The following FRMD4B variants were observed in gnomAD, a reference collection of about 807,000 sequenced individuals.
FRMD4B encodes FERM domain-containing protein 4B.
A neutral mutation model predicts 141.5 loss-of-function variants in FRMD4B; 74 were observed. The ratio of observed to expected loss-of-function variants is 0.52; its 90% CI spans 0.43 to 0.63. FRMD4B has a LOEUF of 0.63. FRMD4B is among the 30% of genes least tolerant of loss of function. The pLI is 0.00. For missense variants in FRMD4B, 1,366 were observed against 1,253.4 expected (o/e 1.09, Z -1.36); for synonymous variants, 506 against 467.9 (o/e 1.08, Z -1.05).
At chr3:69,532,586 G>A (rs1005120616) in intron 1 of FRMD4B, among the ~76,000 whole-genome samples, 2 of 152,196 alleles carry the variant, frequency 1.3e-5, no homozygotes. Context: ...TGGCCTTCCT[G>A]GTTGTTGATC....
At chr3:69,385,389 A>G (rs1704224267) in intron 1 of FRMD4B, among the ~76,000 whole-genome samples, 2 of 152,274 alleles carry the variant, frequency 1.3e-5, no homozygotes, top group South Asian at 2.1e-4. Context: ...CTGAAAATCC[A>G]ACGGAAGGAT....
intron 5 of FRMD4B, among the ~76,000 whole-genome samples, chr3:69,260,150 G>A (rs1053457727): frequency 2.0e-5 from 3 of 152,088 alleles, no homozygotes; most frequent in Non-Finnish European, 2.9e-5. Context: ...CCTTGGCCTC[G>A]GTGTCCACTC....
chr3:69,228,472 C>T, intron 7 of FRMD4B: 2 of 456,274 alleles, frequency 4.4e-6, no homozygotes, highest in South Asian at 3.1e-5. Flanking sequence ...GAGAACATTG[C>T]CCATGTTTCA....
chr3:69,281,728 G>A (rs2093645193), intron 5 of FRMD4B, among the ~76,000 whole-genome samples: 1 of 151,568 alleles, frequency 6.6e-6, no homozygotes, highest in Non-Finnish European at 1.5e-5. Flanking sequence ...GGAGGCTAAA[G>A]CAGGAGAATC....
Position 69,216,299 on chromosome 3 carries a change from G to T in FRMD4B, c.840C>A (p.Gly280=). 1 of 1,578,322 alleles carries T rather than the reference G, an allele frequency of 6.3e-7. No individual in the cohort carries two copies. Among genetic ancestry groups the T allele is most frequent in the Non-Finnish European group, 8.6e-7 (1 of 1,156,502 alleles). The part of the protein sequence containing the change: ...WWLGISYKGI[G]QYDIQDKVKP... Reference sequence around the variant, plus strand: ...TCACCTTGTCTTGTATATCATATTGGCCAATTCCCTTATAGCTTATTCCAA... The same window carrying T: ...TCACCTTGTCTTGTATATCATATTGTCCAATTCCCTTATAGCTTATTCCAA... Residue 280 remains glycine, a synonymous_variant, in exon 11 of 23, where the codon GGC becomes GGA. Coordinates refer to ENST00000398540, the MANE Select transcript of FRMD4B (RefSeq NM_015123.3).
At chr3:69,269,746 A>G (rs915339672) in intron 5 of FRMD4B, among the ~76,000 whole-genome samples, 1 of 151,336 alleles carries the variant, frequency 6.6e-6, no homozygotes, top group Non-Finnish European at 1.5e-5. Context: ...CAGCCTCCCA[A>G]GTAGCTGGGA....
At chr3:69,435,581 C>G (rs552323083) in intron 1 of FRMD4B, among the ~76,000 whole-genome samples, 2 of 152,192 alleles carry the variant, frequency 1.3e-5, no homozygotes, top group Non-Finnish European at 2.9e-5. Context: ...CAGAAACTCT[C>G]TGGTCCACAG....
intron 8 of FRMD4B, among the ~76,000 whole-genome samples, chr3:69,224,099 C>T (rs1044086947): frequency 1.3e-5 from 2 of 151,798 alleles, no homozygotes; most frequent in Non-Finnish European, 2.9e-5. Context: ...TAAGGGAAAA[C>T]GTAATTTAGA....
chr3:69,277,516 CTTTTTTTTTTTTTTT>C (rs55745266), intron 5 of FRMD4B, among the ~76,000 whole-genome samples: 2 of 60,438 alleles, frequency 3.3e-5, no homozygotes, highest in East Asian at 4.7e-4. Flanking sequence ...TTTCTTTCTG[CTTTTTTTTTTTTTTT>C]TTTTTTTTTT....
chr3:69,480,499 G>A (rs562760715), intron 1 of FRMD4B, among the ~76,000 whole-genome samples: 13 of 152,286 alleles, frequency 8.5e-5, no homozygotes, highest in South Asian at 6.2e-4. Flanking sequence ...CTGGGTATCC[G>A]CAGTGGTGGC....
At chr3:69,346,059 AT>A (rs1191431503) in intron 1 of FRMD4B, among the ~76,000 whole-genome samples, 1 of 152,142 alleles carries the variant, frequency 6.6e-6, no homozygotes, top group Non-Finnish European at 1.5e-5. Context: ...GTTTGAACCC[AT>A]CGCAAAGAAG....
At chr3:69,296,462 G>C (rs1195997102) in intron 4 of FRMD4B, among the ~76,000 whole-genome samples, 1 of 152,132 alleles carries the variant, frequency 6.6e-6, no homozygotes, top group African/African-American at 2.4e-5. Context: ...AAAGAGGAAG[G>C]CCATTAAACG....
intron 3 of FRMD4B, among the ~76,000 whole-genome samples, chr3:69,310,048 T>C (rs902113948): frequency 2.0e-5 from 3 of 152,198 alleles, no homozygotes; most frequent in Admixed American, 2.0e-4. Flanking sequence ...ATGGTAGCTG[T>C]TGAGTGATTC....
intron 1 of FRMD4B, among the ~76,000 whole-genome samples, chr3:69,323,373 C>T (rs1196462357): frequency 6.6e-6 from 1 of 151,686 alleles, no homozygotes; most frequent in East Asian, 1.9e-4. Context: ...TTGAGACCAG[C>T]CTGGCCAATA....
Position 69,235,295 on chromosome 3 carries a change from G to A in FRMD4B, c.582-10605C>T, listed in dbSNP as rs182818210. 3.7e-4 allele frequency among the ~76,000 whole-genome samples: 56 copies of A among 151,998 alleles called. No homozygotes were observed. In the East Asian group the frequency reaches 0.01, roughly 27 times the overall value. On this transcript the variant is annotated intron_variant, in intron 7 of 22. Coordinates refer to ENST00000398540, the MANE Select transcript of FRMD4B (RefSeq NM_015123.3). ...GGGTGGACAGCTCAGGTTTGTTTTA[G>A]GAGACTCTAGCAAGTGACCTGACCT...
At chr3:69,397,596 T>A (rs1015271266) in intron 2 of FRMD4B, among the ~76,000 whole-genome samples, 1 of 152,028 alleles carries the variant, frequency 6.6e-6, no homozygotes, top group East Asian at 1.9e-4. Context: ...CACTGTTAAG[T>A]GAAAGAAGCC....
At chr3:69,300,706 G>A (rs1300116051) in intron 4 of FRMD4B, among the ~76,000 whole-genome samples, 1 of 152,208 alleles carries the variant, frequency 6.6e-6, no homozygotes, top group Admixed American at 6.5e-5. Context: ...GAAAGTGCAA[G>A]GATGTTAGGT....
intron 1 of FRMD4B, among the ~76,000 whole-genome samples, chr3:69,488,513 G>A (rs749484769): frequency 3.3e-5 from 5 of 152,172 alleles, no homozygotes; most frequent in Non-Finnish European, 7.4e-5. Context: ...AAATCATGCT[G>A]AGACAACTGG....
intron 3 of FRMD4B, among the ~76,000 whole-genome samples, chr3:69,309,699 G>A (rs187194402): frequency 3.4e-5 from 5 of 148,756 alleles, no homozygotes; most frequent in South Asian, 2.1e-4. Flanking sequence ...TGCCCATCTC[G>A]GCCCTCCAAA....
Sources: gnomAD v4.1 joint callset for allele counts (sites outside exome capture counted in the v4.1 genomes callset) on GRCh38, gnomAD v4.1.1 for gene constraint, MANE v1.5 for transcripts, NCBI Gene and HGNC (gene_info 2026-07-23, HGNC 2026-07-21) for gene names.